Variants in NEUROG2 observed in about 807,000 individuals in gnomAD.
NEUROG2 encodes the protein neurogenin 2.
A neutral mutation model predicts 2.8 loss-of-function variants in NEUROG2; 1 was observed. The observed-to-expected ratio is 0.36, with a 90% CI of 0.13 to 1.71. NEUROG2 has a LOEUF of 1.71. Ranked by LOEUF, NEUROG2 falls within the 40% of genes most tolerant of loss-of-function variation. NEUROG2 has a pLI of 0.34. For missense variants in NEUROG2, 397 were observed against 392.7 expected, an observed-to-expected ratio of 1.01 and a Z score of -0.09; for synonymous variants, 211 against 187.7, an observed-to-expected ratio of 1.12 and a Z score of -1.01.
In NEUROG2 at chr4:112,513,820, C is replaced by T. The variant is rs571641591; in HGVS notation, c.*837G>A. On this transcript the variant is annotated 3_prime_UTR_variant, in exon 2 of 2. Coordinates refer to ENST00000313341, the MANE Select transcript of NEUROG2 (RefSeq NM_024019.4). ...GAGGCAATCCTCCCTCCTGATTTTT[C>T]CCTTTTCCTCCACATTTTTCCTTTT... 2.0e-5 allele frequency: 3 copies of T among 152,716 alleles called. No individual in the cohort carries two copies. Among genetic ancestry groups the T allele is most frequent in the South Asian group, 4.1e-4 (2 of 4,826 alleles). The allele number at this position is 152,716 out of a possible 1,614,324, so 9.5% of individuals were successfully genotyped here.
At position 112,514,214 on chromosome 4, in the gene NEUROG2, A is replaced by T. The variant is rs1281439223; in HGVS notation, c.*443T>A. The T allele has an allele frequency of 1.2e-5, 2 of 166,100 alleles. No individual in the cohort carries two copies. The highest frequency in any genetic ancestry group is 2.6e-5 in the Non-Finnish European group (2 of 77,552). The allele number at this position is 166,100 out of a possible 1,614,324, so 10.3% of individuals were successfully genotyped here. A position where few individuals can be genotyped will look rare whatever the true frequency, so the allele number is the denominator to read the frequency against. ...ATACATTTCTTTCTACTCGACATTAACATCTCTATGTAGAAGCAAAGGTGA... is the reference window on the plus strand; with the variant it reads ...ATACATTTCTTTCTACTCGACATTATCATCTCTATGTAGAAGCAAAGGTGA... On this transcript the variant is annotated 3_prime_UTR_variant, in exon 2 of 2. Coordinates refer to ENST00000313341, the MANE Select transcript of NEUROG2 (RefSeq NM_024019.4).
Position 112,515,035 on chromosome 4 carries a change from C to T in NEUROG2, c.441G>A (p.Lys147=). 1 of 1,614,024 alleles carries T rather than the reference C, an allele frequency of 6.2e-7. No individual in the cohort carries two copies. The highest frequency in any genetic ancestry group is 8.5e-7 in the Non-Finnish European group (1 of 1,179,920). The change falls in exon 2 of 2, where the codon AAG becomes AAA. Residue 147 remains lysine, a synonymous_variant. Transcript: ENST00000313341. ...AGCGCAGGGTCTCGATCTTGGTGAG[C>T]TTGGCGTCCTCGGGGAACGTGGGGA... ...EVLPTFPEDA[K]LTKIETLRFA... is the part of the protein sequence containing the mutation.
At position 112,514,914 on chromosome 4, in the gene NEUROG2, C is replaced by G. The variant is rs775672309; in HGVS notation, c.562G>C (p.Glu188Gln). 6 of 1,605,722 alleles carry G rather than the reference C, an allele frequency of 3.7e-6. No individual in the cohort carries two copies. In the African/African-American group the frequency reaches 6.7e-5, roughly 18 times the overall value. ...CCTCCCGGGCTCAGCAACACTGCCT[C>G]GGAGAAGAGCGCCCCCGGCAGGCCC... Reference protein sequence around the residue: ...GGGLPGALFSEAVLLSPGGAS... With the variant: ...GGGLPGALFSQAVLLSPGGAS... The change falls in exon 2 of 2, where the codon GAG becomes CAG. Residue 188 changes from glutamate to glutamine, a missense_variant. Coordinates refer to ENST00000313341, the MANE Select transcript of NEUROG2 (RefSeq NM_024019.4).
chr4:112,514,858 G>C lies in NEUROG2; in HGVS notation c.618C>G (p.Asp206Glu), dbSNP rs146017617. Residue 206 changes from aspartate (D) to glutamate (E), a missense_variant, in exon 2 of 2, where the codon GAC (aspartate) becomes GAG (glutamate). Coordinates refer to ENST00000313341, the MANE Select transcript of NEUROG2 (RefSeq NM_024019.4). ...TCCACGTGGAGGCGGGCGAGGGGCT[G>C]TCTCCGCTGCTGCTCAGGGCGGCGC... Reference protein sequence around the residue: ...GASAALSSSGDSPSPASTWSC... With the variant: ...GASAALSSSGESPSPASTWSC... 1,750 of 1,596,010 alleles carry C rather than the reference G, an allele frequency of 1.1e-3. 5 individuals are homozygous for C. The highest frequency in any genetic ancestry group is 1.7e-3 in the South Asian group (151 of 89,420).
chr4:112,513,588 A>G lies in NEUROG2; in HGVS notation c.*1069T>C, dbSNP rs964744025. The G allele has an allele frequency of 1.3e-5, 2 of 152,680 alleles. No homozygotes were observed. Among genetic ancestry groups the G allele is most frequent in the African/African-American group, 2.4e-5 (1 of 41,460 alleles). The allele number at this position is 152,680 out of a possible 1,614,324, so 9.5% of individuals were successfully genotyped here. On this transcript the variant is annotated 3_prime_UTR_variant, in exon 2 of 2. Coordinates refer to ENST00000313341, the MANE Select transcript of NEUROG2 (RefSeq NM_024019.4). ...TTCTTGTTCTTCAAGATGTAAATAC[A>G]TACTAGAATAAACTCTGTAGAATAT...
Position 112,513,717 on chromosome 4 carries a change from G to T in NEUROG2, c.*940C>A, listed in dbSNP as rs1736360850. 1 of 152,604 alleles carries T rather than the reference G, an allele frequency of 6.6e-6. No homozygotes were observed. Among genetic ancestry groups the T allele is most frequent in the African/African-American group, 2.4e-5 (1 of 41,446 alleles). The allele number at this position is 152,604 out of a possible 1,614,324, so 9.5% of individuals were successfully genotyped here. A position where few individuals can be genotyped will look rare whatever the true frequency, so the allele number is the denominator to read the frequency against. On this transcript the variant is annotated 3_prime_UTR_variant, in exon 2 of 2. Coordinates refer to ENST00000313341, the MANE Select transcript of NEUROG2 (RefSeq NM_024019.4). ...TGCTCCGTGTCTGCTTAGGTTTTCAGACTGTTGATTTATTTTTAATCTCTT... is the reference window on the plus strand; with the variant it reads ...TGCTCCGTGTCTGCTTAGGTTTTCATACTGTTGATTTATTTTTAATCTCTT...
Position 112,515,430 on chromosome 4 carries a change from C to T in NEUROG2, c.46G>A (p.Val16Met), listed in dbSNP as rs1381016523. ...GAGGCCGATCCGAGCAGCACTAACA[C>T]GTCCTCTTCCTCCTTCAACTCCAAG... ...ETLELKEEED[V>M]LVLLGSASPA... The change falls in exon 2 of 2, where the codon GTG (valine) becomes ATG (methionine). Residue 16 changes from valine to methionine, a missense_variant. Transcript: ENST00000313341. The T allele has an allele frequency of 1.1e-5, 17 of 1,529,366 alleles. 1 individual carries two copies. The highest frequency in any genetic ancestry group is 1.4e-5 in the Non-Finnish European group (16 of 1,151,518). 94.7% of individuals were successfully genotyped at this position (1,529,366 alleles called of 1,614,324 possible). A position where few individuals can be genotyped will look rare whatever the true frequency, so the allele number is the denominator to read the frequency against.
intron 1 of NEUROG2, 109 bp from the exon 2 acceptor site, chr4:112,515,585 T>C (rs1390838657): frequency 1.1e-6 from 1 of 917,026 alleles, no homozygotes; most frequent in Non-Finnish European, 1.5e-6. Context: ...GAAGACCAGC[T>C]CCGAATGGCG....
At position 112,514,375 on chromosome 4, in the gene NEUROG2, C is replaced by G. The variant is rs1736376480; in HGVS notation, c.*282G>C. ...TTAGATATGCCACCATCATCTCTTC[C>G]CAGGGTCTTTTTCGTCTCAAGAAGC... is the stretch of plus-strand genomic sequence containing the variant. On this transcript the variant is annotated 3_prime_UTR_variant, in exon 2 of 2. Coordinates refer to ENST00000313341, the MANE Select transcript of NEUROG2 (RefSeq NM_024019.4). 4 of 365,624 alleles carry G rather than the reference C, an allele frequency of 1.1e-5. No homozygotes were observed. In the South Asian group the frequency reaches 5.6e-4, roughly 51 times the overall value. The allele number at this position is 365,624 out of a possible 1,614,324, so 22.6% of individuals were successfully genotyped here.
chr4:112,515,554 C>A, intron 1 of NEUROG2, 78 bp from the exon 2 acceptor site: 1 of 1,290,066 alleles, frequency 7.8e-7, no homozygotes, highest in South Asian at 1.6e-5. Flanking sequence ...GTCACAGGGG[C>A]GTGCTCCGGC....
At position 112,514,914 on chromosome 4, in the gene NEUROG2, C is replaced by T; in HGVS notation, c.562G>A (p.Glu188Lys). 1.2e-6 allele frequency: 2 copies of T among 1,605,842 alleles called. No individual in the cohort carries two copies. ...GGGLPGALFS[E>K]AVLLSPGGAS... ...CCTCCCGGGCTCAGCAACACTGCCT[C>T]GGAGAAGAGCGCCCCCGGCAGGCCC... The change falls in exon 2 of 2, where the codon GAG (glutamate) becomes AAG (lysine). Residue 188 changes from glutamate to lysine, a missense_variant. Transcript: ENST00000313341.
Position 112,513,583 on chromosome 4 carries a change from AATAC to A in NEUROG2, c.*1070_*1073del, listed in dbSNP as rs1736357953. 6.6e-6 allele frequency: 1 copy of A among 152,664 alleles called. No homozygotes were observed. Among genetic ancestry groups the A allele is most frequent in the African/African-American group, 2.4e-5 (1 of 41,466 alleles). The allele number at this position is 152,664 out of a possible 1,614,324, so 9.5% of individuals were successfully genotyped here. On this transcript the variant is annotated 3_prime_UTR_variant, in exon 2 of 2. Coordinates refer to ENST00000313341, the MANE Select transcript of NEUROG2 (RefSeq NM_024019.4). ...CAACTTTCTTGTTCTTCAAGATGTAAATACATACTAGAATAAACTCTGTAGAATA... is the reference window on the plus strand; with the variant it reads ...CAACTTTCTTGTTCTTCAAGATGTAAATACTAGAATAAACTCTGTAGAATA...
intron 1 of NEUROG2, 113 bp from the exon 2 acceptor site, chr4:112,515,589 A>T: frequency 1.2e-6 from 1 of 867,552 alleles, no homozygotes; most frequent in Non-Finnish European, 1.6e-6. Flanking sequence ...ACCAGCTCCG[A>T]ATGGCGCGGA....
In NEUROG2 at chr4:112,513,880, T is replaced by C. The variant is rs1292985986; in HGVS notation, c.*777A>G. 1.3e-5 allele frequency: 2 copies of C among 152,690 alleles called. No individual in the cohort carries two copies. Among genetic ancestry groups the C allele is most frequent in the Non-Finnish European group, 2.9e-5 (2 of 68,052 alleles). 9.5% of individuals were successfully genotyped at this position (152,690 alleles called of 1,614,324 possible). On this transcript the variant is annotated 3_prime_UTR_variant, in exon 2 of 2. Transcript: ENST00000313341. The stretch of plus-strand genomic sequence containing the variant: ...TTCAGCCTAAATTTCCACGCTTGCA[T>C]TCAATCATTACAAAGCCTACAAATT...
Position 112,514,873 on chromosome 4 carries a change from C to A in NEUROG2, c.603G>T (p.Leu201=). Reference sequence around the variant, plus strand: ...GCGAGGGGCTGTCTCCGCTGCTGCTCAGGGCGGCGCTGGCTCCTCCCGGGC... The same window carrying A: ...GCGAGGGGCTGTCTCCGCTGCTGCTAAGGGCGGCGCTGGCTCCTCCCGGGC... The part of the protein sequence containing the change: ...LLSPGGASAA[L]SSSGDSPSPA... Residue 201 remains leucine, a synonymous_variant, in exon 2 of 2, where the codon CTG becomes CTT. Transcript: ENST00000313341. 6.2e-7 allele frequency: 1 copy of A among 1,600,614 alleles called. No individual in the cohort carries two copies. The highest frequency in any genetic ancestry group is 8.5e-7 in the Non-Finnish European group (1 of 1,175,768).
Position 112,514,733 on chromosome 4 carries a change from A to T in NEUROG2, c.743T>A (p.Met248Lys). The change falls in exon 2 of 2, where the codon ATG becomes AAG. Residue 248 changes from methionine (M) to lysine (K), a missense_variant. By Grantham distance (95) the Met-to-Lys change is moderately conservative. Coordinates refer to ENST00000313341, the MANE Select transcript of NEUROG2 (RefSeq NM_024019.4). ...LSPASPAGSD[M>K]DYWQPPPPDK... ...GGGAGGTGGGGGCTGCCAATAGTCC[A>T]TGTCTGACCCGGCCGGGCTGGCGGG... 2 of 1,527,354 alleles carry T rather than the reference A, an allele frequency of 1.3e-6. No individual in the cohort carries two copies. Among genetic ancestry groups the T allele is most frequent in the Non-Finnish European group, 1.8e-6 (2 of 1,141,534 alleles). The allele number at this position is 1,527,354 out of a possible 1,614,324, so 94.6% of individuals were successfully genotyped here.
rs779247528 is a variant in NEUROG2, at chr4:112,515,339, C to A, written c.137G>T (p.Gly46Val). Reference protein sequence around the residue: ...SADEEEEEEPGASGGARRQRG... With the variant: ...SADEEEEEEPVASGGARRQRG... ...CTGCCGACGCGCCCCGCCTGACGCG[C>A]CCGGCTCCTCCTCCTCTTCTTCGTC... The change falls in exon 2 of 2, where the codon GGC becomes GTC. Residue 46 changes from glycine to valine, a missense_variant. Physicochemically the swap from Gly to Val is moderately radical, Grantham distance 109. Transcript: ENST00000313341. The A allele has an allele frequency of 2.1e-6, 3 of 1,453,672 alleles. No homozygotes were observed. The South Asian group carries it at 4.6e-5, about 22-fold the overall frequency. 90.0% of individuals were successfully genotyped at this position (1,453,672 alleles called of 1,614,324 possible).
In NEUROG2 at chr4:112,515,277, C is replaced by G; in HGVS notation, c.199G>C (p.Val67Leu). ...AEAGQGARGG[V>L]AAGAEGCRPA... ...CGGCAGCCCTCCGCACCCGCAGCCA[C>G]GCCGCCCCGCGCCCCCTGCCCGGCC... The change falls in exon 2 of 2, where the codon GTG (valine) becomes CTG (leucine). Residue 67 changes from valine to leucine, a missense_variant. Physicochemically the swap from Val to Leu is conservative, Grantham distance 32 (BLOSUM62 1). Coordinates refer to ENST00000313341, the MANE Select transcript of NEUROG2 (RefSeq NM_024019.4). 6.7e-7 allele frequency: 1 copy of G among 1,495,260 alleles called. No homozygotes were observed. Among genetic ancestry groups the G allele is most frequent in the Non-Finnish European group, 8.8e-7 (1 of 1,131,744 alleles). 92.6% of individuals were successfully genotyped at this position (1,495,260 alleles called of 1,614,324 possible).
chr4:112,515,354 T>C lies in NEUROG2; in HGVS notation c.122A>G (p.Glu41Gly). The C allele has an allele frequency of 6.7e-7, 1 of 1,501,974 alleles. No individual in the cohort carries two copies. Among genetic ancestry groups the C allele is most frequent in the Non-Finnish European group, 8.8e-7 (1 of 1,132,762 alleles). 93.0% of individuals were successfully genotyped at this position (1,501,974 alleles called of 1,614,324 possible). A position where few individuals can be genotyped will look rare whatever the true frequency, so the allele number is the denominator to read the frequency against. ...TPLSSSADEE[E>G]EEEPGASGGA... ...GCCTGACGCGCCCGGCTCCTCCTCC[T>C]CTTCTTCGTCGGCGCTGGATGACAG... is the stretch of plus-strand genomic sequence containing the variant. Residue 41 changes from glutamate (E) to glycine (G), a missense_variant, in exon 2 of 2, where the codon GAG (glutamate) becomes GGG (glycine). Transcript: ENST00000313341.
Sources: allele counts gnomAD v4.1 joint callset, GRCh38; gene constraint gnomAD v4.1.1; transcripts MANE v1.5; gene names NCBI Gene and HGNC (gene_info 2026-07-23, HGNC 2026-07-21).